The following ITGA10 variants were observed in gnomAD, a reference collection of about 807,000 sequenced individuals.
ITGA10 encodes the protein integrin subunit alpha 10.
Under a neutral mutation model 145.2 loss-of-function variants are expected in ITGA10, and 105 were observed. The observed-to-expected ratio is 0.72, with a 90% CI of 0.62 to 0.85. The LOEUF (loss-of-function observed/expected upper bound fraction) is 0.85, where lower values mean the gene tolerates loss of function less well. Among genes scored for constraint, ITGA10 ranks in the 40% least tolerant of loss-of-function variants. The pLI, the probability that ITGA10 is intolerant of heterozygous loss-of-function variation, is 0.00. For synonymous variants in ITGA10, 506 were observed against 557.8 expected (o/e 0.91, Z 1.31); for missense variants, 1,317 against 1,444.5 (o/e 0.91, Z 1.43).
intron 17 of ITGA10, among the ~76,000 whole-genome samples, chr1:145,898,554 C>T (rs893405027): frequency 4.6e-5 from 7 of 151,652 alleles, no homozygotes; most frequent in Non-Finnish European, 1.0e-4. Context: ...ATTTTTAGTA[C>T]AGATGGGGTT....
chr1:145,907,328 C>A, intron 2 of ITGA10, 26 bp downstream of exon 2: 1 of 1,614,128 alleles, frequency 6.2e-7, no homozygotes, highest in South Asian at 1.1e-5. Flanking sequence ...AGTCCCAATC[C>A]CCTGGCACTC....
intron 27 of ITGA10, among the ~76,000 whole-genome samples, chr1:145,894,074 A>C (rs147306034): frequency 6.8e-6 from 1 of 147,966 alleles, no homozygotes; most frequent in Non-Finnish European, 1.5e-5. Flanking sequence ...TTGTGTCCTT[A>C]GTGCCTACTA....
Position 145,901,844 on chromosome 1 carries a change from C to T in ITGA10, c.1294+33G>A, listed in dbSNP as rs199827098. ...ACTAGGGATGTATTTCCTCCCCTACCCTGTAAGTCCTCTGCAACTCTCTGC... is the reference window on the plus strand; with the variant it reads ...ACTAGGGATGTATTTCCTCCCCTACTCTGTAAGTCCTCTGCAACTCTCTGC... On this transcript the variant is annotated intron_variant, in intron 11 of 29. Coordinates refer to ENST00000369304, the MANE Select transcript of ITGA10 (RefSeq NM_003637.5). The surrounding 1 kb of genome is among the most constrained non-coding windows in gnomAD (Gnocchi z 4.3). 1.2e-6 allele frequency: 2 copies of T among 1,613,238 alleles called. No individual in the cohort carries two copies. Among genetic ancestry groups the T allele is most frequent in the Non-Finnish European group, 1.7e-6 (2 of 1,179,620 alleles).
intron 1 of ITGA10, among the ~76,000 whole-genome samples, chr1:145,909,521 TATTA>T (rs1657592954): frequency 1.5e-5 from 2 of 134,466 alleles, no homozygotes; most frequent in Non-Finnish European, 3.1e-5. Flanking sequence ...ATTATATGTA[TATTA>T]TATATAATAT....
intron 7 of ITGA10, 86 bp from the exon 8 acceptor site, chr1:145,903,047 AC>A: frequency 1.1e-6 from 1 of 898,766 alleles, no homozygotes; most frequent in Non-Finnish European, 1.6e-6. Flanking sequence ...ACACACACAC[AC>A]ACACACACAC....
At position 145,902,522 on chromosome 1, in the gene ITGA10, T is replaced by C. The variant is rs782593160; in HGVS notation, c.1007A>G (p.Asn336Ser). 8.7e-6 allele frequency: 14 copies of C among 1,613,916 alleles called. No individual in the cohort carries two copies. The highest frequency in any genetic ancestry group is 1.1e-5 in the Non-Finnish European group (13 of 1,179,930). Residue 336 changes from asparagine (N) to serine (S), a missense_variant, in exon 9 of 30, where the codon AAT becomes AGT. By Grantham distance (46) the Asn-to-Ser change is conservative. Transcript: ENST00000369304. ...ASDPDERFFF[N>S]VTDEAALTDI... The stretch of plus-strand genomic sequence containing the variant: ...AGTCAGAGCAGCCTCATCTGTGACA[T>C]TGAAGAAGAATCGCTCATCTGGATC...
At chr1:145,897,745 T>TA in intron 19 of ITGA10, 70 bp downstream of exon 19, 1 of 1,609,948 alleles carries the variant, frequency 6.2e-7, no homozygotes, top group Admixed American at 1.7e-5. Context: ...AACAACCCCC[T>TA]ACCCGCCCTT....
In ITGA10 at chr1:145,902,618, A is replaced by T; in HGVS notation, c.911T>A (p.Val304Asp). 6.3e-7 allele frequency: 1 copy of T among 1,597,568 alleles called. No homozygotes were observed. The highest frequency in any genetic ancestry group is 8.5e-7 in the Non-Finnish European group (1 of 1,173,062). ...CTGCCGCCGGAGGTAGTGACCAAGG[A>T]CCTAAGAGGTCATAAGATCAAGGAA... ...AGRVTRYGIA[V>D]LGHYLRRQRD... Residue 304 changes from valine (V) to aspartate (D), a missense_variant and splice_region_variant, in exon 9 of 30, where the codon GTC becomes GAC. Physicochemically the swap from Val to Asp is radical, Grantham distance 152. Transcript: ENST00000369304.
Position 145,902,606 on chromosome 1 carries a change from T to C in ITGA10, c.923A>G (p.Tyr308Cys). ...TRYGIAVLGH[Y>C]LRRQRDPSSF... ...GCTGGGATCTCGCTGCCGCCGGAGGTAGTGACCAAGGACCTAAGAGGTCAT... is the reference window on the plus strand; with the variant it reads ...GCTGGGATCTCGCTGCCGCCGGAGGCAGTGACCAAGGACCTAAGAGGTCAT... Residue 308 changes from tyrosine (Y) to cysteine (C), a missense_variant, in exon 9 of 30, where the codon TAC becomes TGC. Coordinates refer to ENST00000369304, the MANE Select transcript of ITGA10 (RefSeq NM_003637.5). 2 of 1,605,402 alleles carry C rather than the reference T, an allele frequency of 1.2e-6. No individual in the cohort carries two copies. The highest frequency in any genetic ancestry group is 1.7e-6 in the Non-Finnish European group (2 of 1,176,112).
rs1468847886 is a variant in ITGA10 at position 145,897,375 on chromosome 1, G to A, written c.2575-36C>T. On this transcript the variant is annotated intron_variant, in intron 20 of 29. Coordinates refer to ENST00000369304, the MANE Select transcript of ITGA10 (RefSeq NM_003637.5). ...GGGAATGGAGATAGAAGCTGGAGCT[G>A]GGGCTGCAACTGCTGTCCTACCCAC... 4 of 1,609,010 alleles carry A rather than the reference G, an allele frequency of 2.5e-6. No homozygotes were observed. The East Asian group carries it at 8.9e-5, about 36-fold the overall frequency.
intron 1 of ITGA10, among the ~76,000 whole-genome samples, chr1:145,908,898 A>G (rs1420381832): frequency 1.3e-5 from 2 of 152,118 alleles, no homozygotes; most frequent in Admixed American, 1.3e-4. Flanking sequence ...CAAGGGTAAG[A>G]AGTTAGGGAG....
chr1:145,902,470 C>A lies in ITGA10; in HGVS notation c.1059G>T (p.Arg353=). The change falls in exon 9 of 30, where the codon CGG becomes CGT. Residue 353 remains arginine, a synonymous_variant. Transcript: ENST00000369304. The part of the protein sequence containing the change: ...LTDIVDALGD[R]IFGLEGSHAE... ...AATCCTCACCTTCAAGGCCAAAAAT[C>A]CGATCTCCTAGTGCATCCACAATGT... 1 of 1,611,354 alleles carries A rather than the reference C, an allele frequency of 6.2e-7. No homozygotes were observed. The highest frequency in any genetic ancestry group is 8.5e-7 in the Non-Finnish European group (1 of 1,178,714).
At chr1:145,909,537 T>C (rs1657599827) in intron 1 of ITGA10, among the ~76,000 whole-genome samples, 1 of 135,086 alleles carries the variant, frequency 7.4e-6, no homozygotes, top group Non-Finnish European at 1.5e-5. Flanking sequence ...ATATAATATA[T>C]AATTATGTTA....
rs1019887004 is a variant in ITGA10 at position 145,892,625 on chromosome 1, G to T, written c.*173C>A. ...GCCAGCTCTTCTTGTCTGAGGTAAA[G>T]CCTCATCTCTAGCCAGCAGCATCCC... On this transcript the variant is annotated 3_prime_UTR_variant, in exon 30 of 30. Transcript: ENST00000369304. 3.6e-5 allele frequency: 20 copies of T among 560,376 alleles called. No individual in the cohort carries two copies. Among genetic ancestry groups the T allele is most frequent in the African/African-American group, 1.1e-4 (6 of 53,060 alleles). The allele number at this position is 560,376 out of a possible 1,614,324, so 34.7% of individuals were successfully genotyped here.
rs886645705 is a variant in ITGA10 at position 145,895,660 on chromosome 1, G to A, written c.3085C>T (p.Pro1029Ser). 6.2e-7 allele frequency: 1 copy of A among 1,614,086 alleles called. No individual in the cohort carries two copies. Among genetic ancestry groups the A allele is most frequent in the African/African-American group, 1.3e-5 (1 of 74,922 alleles). ...CTGTTTGTGTGTTGAAGCTCCTCTG[G>A]ATGCACAGGTGGGCCTGGGGGTTCA... ...LTEPPGPPVH[P>S]EELQHTNRLN... The change falls in exon 26 of 30, where the codon CCA becomes TCA. Residue 1029 changes from proline (P) to serine (S), a missense_variant. By Grantham distance (74) the Pro-to-Ser change is moderately conservative. Coordinates refer to ENST00000369304, the MANE Select transcript of ITGA10 (RefSeq NM_003637.5).
intron 1 of ITGA10, among the ~76,000 whole-genome samples, chr1:145,909,137 TA>T (rs112626164): frequency 1.8e-3 from 262 of 142,134 alleles, no homozygotes; most frequent in East Asian, 6.4e-3. Flanking sequence ...ACTCTGTCTC[TA>T]AAAAAAAAAA....
At position 145,895,327 on chromosome 1, in the gene ITGA10, C is replaced by T; in HGVS notation, c.3181G>A (p.Val1061Ile). The T allele has an allele frequency of 2.5e-6, 4 of 1,614,122 alleles. No individual in the cohort carries two copies. The highest frequency in any genetic ancestry group is 1.1e-5 in the South Asian group (1 of 91,070). The change falls in exon 27 of 30, where the codon GTC becomes ATC. Residue 1061 changes from valine (V) to isoleucine (I), a missense_variant. Physicochemically the swap from Val to Ile is conservative, Grantham distance 29 (BLOSUM62 3). Transcript: ENST00000369304. ...HLGQLAKGTE[V>I]SVGLLRLVHN... ...ACCAGCCTCAATAGTCCAACAGAGA[C>T]CTCAGTCCCCTTTGCCAGCTGCCCA...
Position 145,902,796 on chromosome 1 carries a change from A to T in ITGA10, c.909+15T>A, listed in dbSNP as rs1559206755. The T allele has an allele frequency of 6.3e-7, 1 of 1,599,988 alleles. No homozygotes were observed. The highest frequency in any genetic ancestry group is 8.5e-7 in the Non-Finnish European group (1 of 1,173,366). On this transcript the variant is annotated intron_variant, in intron 8 of 29. Transcript: ENST00000369304. ...GCCACTCCCCAACTCTTCCAGATCCAGGGTGAATTCTCACTGCAATCCCAT... is the reference window on the plus strand; with the variant it reads ...GCCACTCCCCAACTCTTCCAGATCCTGGGTGAATTCTCACTGCAATCCCAT...
At chr1:145,895,531 G>A (rs1489245147) in intron 26 of ITGA10, 100 bp downstream of exon 26, 2 of 1,387,214 alleles carry the variant, frequency 1.4e-6, no homozygotes, top group Non-Finnish European at 2.0e-6. Context: ...ACCCTGGGGT[G>A]GAAAGATCCC....
Sources: allele counts gnomAD v4.1 joint callset (sites outside exome capture counted in the v4.1 genomes callset), GRCh38; gene constraint gnomAD v4.1.1; non-coding constraint Gnocchi (gnomAD v3.1); transcripts MANE v1.5; gene names NCBI Gene and HGNC (gene_info 2026-07-23, HGNC 2026-07-21).